Variants in ASIC2 observed in about 807,000 individuals in gnomAD.
The protein encoded by ASIC2 is acid-sensing ion channel 2.
In ASIC2, 25 loss-of-function variants were observed where a neutral mutation model predicts 57.3. The ratio of observed to expected loss-of-function variants is 0.44; its 90% CI spans 0.32 to 0.61. ASIC2 has a LOEUF of 0.61. ASIC2 is among the 20% of genes least tolerant of loss of function. The probability of loss-of-function intolerance (pLI) is 0.06; values close to 1 mark genes in which losing one functional copy is unlikely to be tolerated. For synonymous variants in ASIC2, 319 were observed against 307.5 expected, an observed-to-expected ratio of 1.04 and a Z score of -0.39; for missense variants, 641 against 738.1, an observed-to-expected ratio of 0.87 and a Z score of 1.52.
intron 1 of ASIC2, among the ~76,000 whole-genome samples, chr17:33,517,013 G>A (rs1165119934): frequency 2.0e-5 from 3 of 152,310 alleles, no homozygotes; most frequent in South Asian, 2.1e-4. Context: ...AGGGTCCCTG[G>A]TAGTTAACGA....
intron 1 of ASIC2, among the ~76,000 whole-genome samples, chr17:33,370,551 T>C (rs1295758756): frequency 6.6e-6 from 1 of 152,156 alleles, no homozygotes; most frequent in African/African-American, 2.4e-5. Flanking sequence ...GGTCTGTTAC[T>C]CAAAGACCCT....
intron 1 of ASIC2, among the ~76,000 whole-genome samples, chr17:33,397,531 T>C (rs1910123058): frequency 2.0e-5 from 3 of 152,150 alleles, no homozygotes; most frequent in African/African-American, 7.2e-5. Context: ...GTGGCAGGAT[T>C]AGGAAACTTA....
At chr17:33,904,630 A>G (rs1915309034) in intron 1 of ASIC2, among the ~76,000 whole-genome samples, 1 of 152,150 alleles carries the variant, frequency 6.6e-6, no homozygotes, top group Admixed American at 6.5e-5. Flanking sequence ...AAGAACCACC[A>G]CTTTGAGCCT....
intron 1 of ASIC2, among the ~76,000 whole-genome samples, chr17:33,514,740 C>T (rs1286683871): frequency 2.0e-5 from 3 of 152,192 alleles, no homozygotes; most frequent in Non-Finnish European, 4.4e-5. Context: ...AAAAAGATCA[C>T]GTGGTCTTGG....
chr17:34,132,824 T>C (rs2158262), intron 1 of ASIC2, among the ~76,000 whole-genome samples: 8 of 151,906 alleles, frequency 5.3e-5, no homozygotes, highest in Non-Finnish European at 1.2e-4. Flanking sequence ...AGCTGTGAAG[T>C]CTCAGGTAAA....
At chr17:33,249,204 T>G (rs1241090489) in intron 1 of ASIC2, among the ~76,000 whole-genome samples, 1 of 151,696 alleles carries the variant, frequency 6.6e-6, no homozygotes, top group East Asian at 1.9e-4. Flanking sequence ...GAAGGTGTCC[T>G]CACCGAGATA....
intron 1 of ASIC2, among the ~76,000 whole-genome samples, chr17:33,888,936 CA>C (rs1318223023): frequency 6.6e-6 from 1 of 152,048 alleles, no homozygotes; most frequent in African/African-American, 2.4e-5. Flanking sequence ...CAGAGGGACC[CA>C]AAAGAATTTC....
intron 2 of ASIC2, among the ~76,000 whole-genome samples, chr17:33,097,109 C>A (rs942312578): frequency 5.3e-5 from 8 of 152,262 alleles, no homozygotes; most frequent in African/African-American, 1.9e-4. Context: ...TTTTTGCCCC[C>A]TGCCATGTGG....
intron 1 of ASIC2, among the ~76,000 whole-genome samples, chr17:33,161,439 C>T (rs1022734270): frequency 6.6e-6 from 1 of 152,184 alleles, no homozygotes; most frequent in Non-Finnish European, 1.5e-5. Flanking sequence ...CAAAGTTTGT[C>T]TTCTCTGAAA....
chr17:34,108,491 C>T (rs1911147132), intron 1 of ASIC2, among the ~76,000 whole-genome samples: 1 of 151,562 alleles, frequency 6.6e-6, no homozygotes, highest in African/African-American at 2.4e-5. Context: ...TATAACTTAC[C>T]CTATTACCCT....
intron 1 of ASIC2, among the ~76,000 whole-genome samples, chr17:33,241,436 G>A (rs571883549): frequency 6.6e-6 from 1 of 152,296 alleles, no homozygotes; most frequent in Non-Finnish European, 1.5e-5. Context: ...ACATGGGGAG[G>A]GCTGTTCCAG....
intron 1 of ASIC2, among the ~76,000 whole-genome samples, chr17:34,078,346 C>T (rs1292403190): frequency 2.0e-5 from 3 of 152,162 alleles, no homozygotes; most frequent in South Asian, 2.1e-4. Context: ...TGCTCCTACT[C>T]CACCTGTTAA....
At chr17:33,438,426 A>G (rs1911704233) in intron 1 of ASIC2, among the ~76,000 whole-genome samples, 1 of 152,182 alleles carries the variant, frequency 6.6e-6, no homozygotes, top group South Asian at 2.1e-4. Context: ...GAAGAACATC[A>G]ATCACTTCAC....
At chr17:33,671,899 A>T (rs1780280960) in intron 1 of ASIC2, among the ~76,000 whole-genome samples, 1 of 152,140 alleles carries the variant, frequency 6.6e-6, no homozygotes, top group South Asian at 2.1e-4. Flanking sequence ...TTGTTTAGTG[A>T]CTAATTCCAG....
At chr17:33,299,979 A>G (rs903086636) in intron 1 of ASIC2, among the ~76,000 whole-genome samples, 3 of 152,256 alleles carry the variant, frequency 2.0e-5, no homozygotes, top group Admixed American at 2.0e-4. Context: ...ACCAGAATCC[A>G]GGTTCCAACT....
At chr17:34,001,546 C>A (rs1219241955) in intron 1 of ASIC2, 2 of 152,644 alleles carry the variant, frequency 1.3e-5, no homozygotes, top group African/African-American at 4.8e-5. Context: ...TTCAAGAGAA[C>A]TGGGGTGGGT....
intron 1 of ASIC2, among the ~76,000 whole-genome samples, chr17:33,375,500 A>C (rs1198255430): frequency 1.3e-5 from 2 of 152,218 alleles, no homozygotes; most frequent in Non-Finnish European, 2.9e-5. Context: ...AGTTTACGGC[A>C]CACTATTAAA....
intron 1 of ASIC2, among the ~76,000 whole-genome samples, chr17:33,857,395 C>A (rs979904732): frequency 1.3e-5 from 2 of 152,096 alleles, no homozygotes; most frequent in African/African-American, 2.4e-5. Context: ...ACTCCAGGAC[C>A]AGAGAGGAGA....
chr17:33,129,886 G>C (rs528000460), intron 1 of ASIC2, among the ~76,000 whole-genome samples: 1 of 152,306 alleles, frequency 6.6e-6, no homozygotes, highest in Admixed American at 6.5e-5. Flanking sequence ...TATGTAAACT[G>C]CATGCTGTTT....
Sources: gnomAD v4.1 joint callset for allele counts (sites outside exome capture counted in the v4.1 genomes callset) on GRCh38, gnomAD v4.1.1 for gene constraint, MANE v1.5 for transcripts, NCBI Gene and HGNC (gene_info 2026-07-23, HGNC 2026-07-21) for gene names.